STON2: variants seen among roughly 807,000 people sequenced by gnomAD.
The protein encoded by STON2 is stonin-2.
STON2 carries 29 observed loss-of-function variants against 65.7 expected under a neutral mutation model. The ratio of observed to expected loss-of-function variants is 0.44; its 90% confidence interval spans 0.33 to 0.60. STON2 has a LOEUF of 0.60. Ranked by LOEUF, STON2 falls within the 20% of genes least tolerant of loss-of-function variation. The probability of loss-of-function intolerance (pLI) is 0.03; values close to 1 mark genes in which losing one functional copy is unlikely to be tolerated. For missense variants in STON2, 1,054 were observed against 1,118.1 expected, an observed-to-expected ratio of 0.94 and a Z score of 0.82; for synonymous variants, 404 against 414.2, an observed-to-expected ratio of 0.98 and a Z score of 0.30.
chr14:81,265,861 A>G lies in STON2; in HGVS notation c.*2553T>C, dbSNP rs887758190. ...AGCAATCCACATGTTATGCTAGCAG[A>G]TGAGGCAGAGATCTTGACAGAGTGC... On this transcript the variant is annotated 3_prime_UTR_variant, in exon 8 of 8. Coordinates refer to ENST00000614646, the MANE Select transcript of STON2 (RefSeq NM_001394390.1). 1.0e-6 allele frequency: 1 copy of G among 985,246 alleles called. No homozygotes were observed. The highest frequency in any genetic ancestry group is 1.7e-5 in the African/African-American group (1 of 57,228). 61.0% of individuals were successfully genotyped at this position (985,246 alleles called of 1,614,324 possible).
chr14:81,351,279 A>G (rs1033120312), intron 4 of STON2, among the ~76,000 whole-genome samples: 3 of 151,130 alleles, frequency 2.0e-5, no homozygotes, highest in African/African-American at 7.3e-5. Flanking sequence ...ACACCTCCCT[A>G]ATTCCAAGAA....
intron 4 of STON2, among the ~76,000 whole-genome samples, chr14:81,336,957 T>C (rs1011606239): frequency 2.6e-5 from 4 of 151,956 alleles, no homozygotes; most frequent in Admixed American, 6.6e-5. Flanking sequence ...GGAAAGGAGG[T>C]AGCTGTTGGG....
intron 2 of STON2, among the ~76,000 whole-genome samples, chr14:81,417,354 T>G (rs1173945322): frequency 6.8e-6 from 1 of 146,310 alleles, no homozygotes; most frequent in African/African-American, 2.5e-5. Context: ...CAAAGAAATG[T>G]TGAATGTTCA....
At chr14:81,300,076 T>C (rs539200568) in intron 5 of STON2, among the ~76,000 whole-genome samples, 2 of 152,068 alleles carry the variant, frequency 1.3e-5, no homozygotes, top group South Asian at 2.1e-4. Context: ...GTTTCAGTAA[T>C]TAAGACAATC....
intron 4 of STON2, among the ~76,000 whole-genome samples, chr14:81,370,716 T>C (rs892778474): frequency 6.6e-6 from 1 of 152,230 alleles, no homozygotes. Context: ...GAATGGTATT[T>C]ATACCAAACA....
intron 2 of STON2, among the ~76,000 whole-genome samples, chr14:81,412,221 T>C (rs1467526058): frequency 7.2e-6 from 1 of 139,640 alleles, no homozygotes. Flanking sequence ...TGATTTGCCT[T>C]TTTCGAAACT....
chr14:81,422,610 A>C (rs1187248024), intron 2 of STON2, among the ~76,000 whole-genome samples: 1 of 152,182 alleles, frequency 6.6e-6, no homozygotes, highest in Non-Finnish European at 1.5e-5. Context: ...AAAGGAGAGA[A>C]TAGGAGGCAT....
intron 4 of STON2, among the ~76,000 whole-genome samples, chr14:81,340,508 G>A (rs777049880): frequency 2.0e-4 from 31 of 152,138 alleles, no homozygotes; most frequent in African/African-American, 5.3e-4. Context: ...TGAGCACTAC[G>A]GATTTCCATA....
In STON2 at chr14:81,277,621, G is replaced by C. The variant is rs1180541175; in HGVS notation, c.1861C>G (p.Leu621Val). The change falls in exon 6 of 8, where the codon CTC becomes GTC. Residue 621 changes from leucine (L) to valine (V), a missense_variant. Leu to Val is a conservative substitution (Grantham distance 32). Coordinates refer to ENST00000614646, the MANE Select transcript of STON2 (RefSeq NM_001394390.1). ...GTAATCTCCTCTTCAAGGTAGTTGA[G>C]GCCAACTGTGCTCAAGTCCATTGAC... ...VLSMDLSTVG[L>V]NYLEEEITVD... 6.2e-7 allele frequency: 1 copy of C among 1,613,974 alleles called. No homozygotes were observed. The highest frequency in any genetic ancestry group is 2.2e-5 in the East Asian group (1 of 44,888).
intron 1 of STON2, among the ~76,000 whole-genome samples, chr14:81,430,103 A>G (rs1387683333): frequency 6.6e-6 from 1 of 152,062 alleles, no homozygotes; most frequent in Non-Finnish European, 1.5e-5. Context: ...TATGGTTCCC[A>G]CCTAGCTAAA....
chr14:81,263,702 A>C lies in STON2; in HGVS notation c.*4712T>G. ...GATTGGACCTCCCTGACTAAGGTCT[A>C]GATATGCTGGAATTAACATATAATC... On this transcript the variant is annotated 3_prime_UTR_variant, in exon 8 of 8. Coordinates refer to ENST00000614646, the MANE Select transcript of STON2 (RefSeq NM_001394390.1). 1.0e-6 allele frequency: 1 copy of C among 984,514 alleles called. No homozygotes were observed. The highest frequency in any genetic ancestry group is 5.2e-4 in the Middle Eastern group (1 of 1,912). The allele number at this position is 984,514 out of a possible 1,614,324, so 61.0% of individuals were successfully genotyped here.
intron 5 of STON2, among the ~76,000 whole-genome samples, chr14:81,302,583 G>A (rs185742635): frequency 6.6e-6 from 1 of 152,332 alleles, no homozygotes; most frequent in East Asian, 1.9e-4. Context: ...AGAATCCATA[G>A]TGGCAACTTC....
At chr14:81,366,029 G>C (rs1384720150) in intron 4 of STON2, among the ~76,000 whole-genome samples, 1 of 152,188 alleles carries the variant, frequency 6.6e-6, no homozygotes, top group Non-Finnish European at 1.5e-5. Flanking sequence ...GGTAAGAGAG[G>C]AGTGAAATGT....
intron 2 of STON2, among the ~76,000 whole-genome samples, chr14:81,405,667 G>A (rs1900823741): frequency 6.6e-6 from 1 of 151,782 alleles, no homozygotes; most frequent in African/African-American, 2.4e-5. Flanking sequence ...TATAAAGCTT[G>A]GTCTTTTACT....
intron 5 of STON2, among the ~76,000 whole-genome samples, chr14:81,302,432 C>A (rs558119488): frequency 6.6e-5 from 10 of 152,210 alleles, no homozygotes; most frequent in African/African-American, 1.9e-4. Flanking sequence ...AGTATCCCTT[C>A]GGATGGTGCA....
chr14:81,405,883 G>A (rs1209819589), intron 2 of STON2, among the ~76,000 whole-genome samples: 1 of 152,162 alleles, frequency 6.6e-6, no homozygotes, highest in African/African-American at 2.4e-5. Flanking sequence ...TGGACTGGGA[G>A]AGGCAGACTC....
intron 4 of STON2, among the ~76,000 whole-genome samples, chr14:81,340,401 T>C (rs1024224950): frequency 3.3e-5 from 5 of 152,142 alleles, no homozygotes; most frequent in Non-Finnish European, 7.4e-5. Context: ...CACAGGTGGG[T>C]ACATGTGTCA....
At chr14:81,313,818 C>T (rs1173539635) in intron 5 of STON2, among the ~76,000 whole-genome samples, 2 of 134,176 alleles carry the variant, frequency 1.5e-5, no homozygotes, top group Admixed American at 6.9e-5. Flanking sequence ...AATACACACA[C>T]ACACACACAC....
intron 4 of STON2, among the ~76,000 whole-genome samples, chr14:81,358,520 T>C (rs1883062809): frequency 6.6e-6 from 1 of 152,160 alleles, no homozygotes; most frequent in Non-Finnish European, 1.5e-5. Context: ...AGGCAATTAA[T>C]AAAATGGCAG....
Sources: gnomAD v4.1 joint callset for allele counts (sites outside exome capture counted in the v4.1 genomes callset) on GRCh38, gnomAD v4.1.1 for gene constraint, MANE v1.5 for transcripts, NCBI Gene and HGNC (gene_info 2026-07-23, HGNC 2026-07-21) for gene names.